Variants in HS3ST3A1 observed in about 807,000 individuals in gnomAD.
HS3ST3A1 encodes heparan sulfate glucosamine 3-O-sulfotransferase 3A1.
HS3ST3A1 carries 19 observed loss-of-function variants against 25.7 expected under a neutral mutation model. The ratio of observed to expected loss-of-function variants is 0.74; its 90% CI spans 0.52 to 1.08. HS3ST3A1 has a LOEUF of 1.08. Ranked by LOEUF, HS3ST3A1 falls within the 50% of genes least tolerant of loss-of-function variation. The pLI is 0.00. For synonymous variants in HS3ST3A1, 226 were observed against 278.6 expected (o/e 0.81, Z 1.88); for missense variants, 459 against 594.3 (o/e 0.77, Z 2.37).
chr17:13,549,282 A>G (rs1426803764), intron 1 of HS3ST3A1, among the ~76,000 whole-genome samples: 1 of 152,130 alleles, frequency 6.6e-6, no homozygotes, highest in African/African-American at 2.4e-5. Flanking sequence ...GAAAGAAGAA[A>G]CTGCAGACAC....
At chr17:13,584,917 C>G (rs150350449) in intron 1 of HS3ST3A1, among the ~76,000 whole-genome samples, 7 of 152,274 alleles carry the variant, frequency 4.6e-5, no homozygotes, top group South Asian at 2.1e-4. Flanking sequence ...TTTCCATTTA[C>G]TCATCACCCC....
chr17:13,559,937 C>T (rs571460743), intron 1 of HS3ST3A1, among the ~76,000 whole-genome samples: 62 of 151,776 alleles, frequency 4.1e-4, no homozygotes, highest in African/African-American at 1.4e-3. Flanking sequence ...CTTAACAATT[C>T]TTTGATCCTC....
chr17:13,530,754 A>G (rs576519486), intron 1 of HS3ST3A1, among the ~76,000 whole-genome samples: 6 of 152,300 alleles, frequency 3.9e-5, no homozygotes, highest in Non-Finnish European at 7.3e-5. Context: ...CACAGTCAAT[A>G]CAAGTATAAG....
At chr17:13,528,639 A>G (rs1038971013) in intron 1 of HS3ST3A1, among the ~76,000 whole-genome samples, 3 of 152,106 alleles carry the variant, frequency 2.0e-5, no homozygotes, top group Non-Finnish European at 4.4e-5. Context: ...CCCTCTTAGG[A>G]TCTGCTTCCT....
chr17:13,572,706 A>G (rs1451790670), intron 1 of HS3ST3A1, among the ~76,000 whole-genome samples: 1 of 152,154 alleles, frequency 6.6e-6, no homozygotes, highest in African/African-American at 2.4e-5. Context: ...CCATGCTTTT[A>G]TTTTACAGGA....
chr17:13,569,650 T>G (rs1438318008), intron 1 of HS3ST3A1, among the ~76,000 whole-genome samples: 2 of 152,174 alleles, frequency 1.3e-5, no homozygotes, highest in East Asian at 3.9e-4. Flanking sequence ...CCAGTAGCGA[T>G]TTTTCAGGCG....
intron 1 of HS3ST3A1, among the ~76,000 whole-genome samples, chr17:13,501,448 G>A (rs533152412): frequency 2.7e-5 from 4 of 145,464 alleles, no homozygotes; most frequent in Non-Finnish European, 4.5e-5. Context: ...TTAGACAAAA[G>A]AGTCTTTTTG....
At chr17:13,560,312 A>AAAAAAAAAAAAAAAAAAAAAAAT (rs1907501580) in intron 1 of HS3ST3A1, among the ~76,000 whole-genome samples, 1 of 144,092 alleles carries the variant, frequency 6.9e-6, no homozygotes. Flanking sequence ...AAAAAAAAAA[A>AAAAAAAAAAAAAAAAAAAAAAAT]AAAAAAAGTG....
At chr17:13,508,567 C>T (rs552025653) in intron 1 of HS3ST3A1, among the ~76,000 whole-genome samples, 1 of 152,328 alleles carries the variant, frequency 6.6e-6, no homozygotes, top group African/African-American at 2.4e-5. Context: ...TTACAAGGCT[C>T]ATTGCTTCAA....
At chr17:13,518,741 A>G (rs1012689172) in intron 1 of HS3ST3A1, among the ~76,000 whole-genome samples, 1 of 152,196 alleles carries the variant, frequency 6.6e-6, no homozygotes, top group Non-Finnish European at 1.5e-5. Context: ...AAGTCAAGGT[A>G]CTTCAGTTAT....
intron 1 of HS3ST3A1, among the ~76,000 whole-genome samples, chr17:13,502,329 G>A (rs1010676728): frequency 3.9e-5 from 6 of 152,114 alleles, no homozygotes; most frequent in Admixed American, 6.5e-5. Context: ...GGACAGACCT[G>A]CCTCCATGGC....
rs1441087653 is a variant in HS3ST3A1, at chr17:13,513,756, G to T, written c.600-16938C>A. On this transcript the variant is annotated intron_variant, in intron 1 of 1. Transcript: ENST00000284110. ...TAGTGAATCCCTTATTATTGGATACGTGGGTTGTTTCTAAAGTCAAACATT... is the reference window on the plus strand; with the variant it reads ...TAGTGAATCCCTTATTATTGGATACTTGGGTTGTTTCTAAAGTCAAACATT... Among the ~76,000 whole-genome samples, 4 of 152,126 alleles carry T rather than the reference G, an allele frequency of 2.6e-5. No individual in the cohort carries two copies. In the East Asian group the frequency reaches 7.7e-4, roughly 29 times the overall value.
At chr17:13,521,879 G>C (rs1906256461) in intron 1 of HS3ST3A1, among the ~76,000 whole-genome samples, 2 of 152,118 alleles carry the variant, frequency 1.3e-5, no homozygotes, top group Admixed American at 1.3e-4. Context: ...ATAATTCTTT[G>C]TTTGGGGGCT....
chr17:13,526,474 T>TATATATATATATATATATA, intron 1 of HS3ST3A1, among the ~76,000 whole-genome samples: 1 of 76,296 alleles, frequency 1.3e-5, no homozygotes, highest in African/African-American at 5.2e-5. Flanking sequence ...ACTTTAATTT[T>TATATATATATATATATATA]TATATATATA....
intron 1 of HS3ST3A1, among the ~76,000 whole-genome samples, chr17:13,554,569 CCT>C (rs1907323154): frequency 2.6e-5 from 4 of 152,180 alleles, no homozygotes; most frequent in Admixed American, 2.6e-4. Flanking sequence ...AGTGCAAACC[CCT>C]GAGGGGTGCG....
At chr17:13,576,274 C>G (rs11869035) in intron 1 of HS3ST3A1, among the ~76,000 whole-genome samples, 48,054 of 152,176 alleles carry the variant, frequency 0.32, 9,647 homozygotes, top group African/African-American at 0.56. Context: ...GTATCTCTTG[C>G]GATCACAGTC....
chr17:13,510,677 C>G (rs953770911), intron 1 of HS3ST3A1, among the ~76,000 whole-genome samples: 1 of 151,768 alleles, frequency 6.6e-6, no homozygotes, highest in Admixed American at 6.6e-5. Context: ...ATTTGCCATC[C>G]TCACCCTGTG....
rs752613971 is a variant in HS3ST3A1 at position 13,496,757 on chromosome 17, C to A, written c.661G>T (p.Val221Phe). 7 of 1,613,970 alleles carry A rather than the reference C, an allele frequency of 4.3e-6. No homozygotes were observed. The African/African-American group carries it at 9.3e-5, about 22-fold the overall frequency. ...ATGCGCGCGGGGGCCTCCCGCGTGA[C>A]GAAGTAACTGGGCGTCTTCTCCATG... The part of the protein sequence containing the change: ...ITMEKTPSYF[V>F]TREAPARISA... The change falls in exon 2 of 2, where the codon GTC becomes TTC. Residue 221 changes from valine (V) to phenylalanine (F), a missense_variant. Physicochemically the swap from Val to Phe is conservative, Grantham distance 50. Transcript: ENST00000284110.
At chr17:13,521,537 T>C (rs1906239272) in intron 1 of HS3ST3A1, among the ~76,000 whole-genome samples, 1 of 152,202 alleles carries the variant, frequency 6.6e-6, no homozygotes, top group Non-Finnish European at 1.5e-5. Context: ...CCCCGAGTGA[T>C]GAATCCGCTT....
Sources: gnomAD v4.1 joint callset for allele counts (sites outside exome capture counted in the v4.1 genomes callset) on GRCh38, gnomAD v4.1.1 for gene constraint, MANE v1.5 for transcripts, NCBI Gene and HGNC (gene_info 2026-07-23, HGNC 2026-07-21) for gene names.